NPAS3: variants seen among roughly 807,000 people sequenced by gnomAD.
NPAS3 encodes neuronal PAS domain-containing protein 3.
A neutral mutation model predicts 73.1 loss-of-function variants in NPAS3; 14 were observed. That is an observed-to-expected ratio of 0.19 (90% CI 0.13 to 0.30). The LOEUF (loss-of-function observed/expected upper bound fraction) is 0.30, where lower values mean the gene tolerates loss of function less well. Among genes scored for constraint, NPAS3 ranks in the 10% least tolerant of loss-of-function variants. NPAS3 has a pLI of 1.00. For missense variants in NPAS3, 1,096 were observed against 1,250.0 expected (o/e 0.88, Z 1.86); for synonymous variants, 620 against 541.5 (o/e 1.14, Z -2.01).
At chr14:33,787,698 A>C (rs1372517148) in intron 9 of NPAS3, among the ~76,000 whole-genome samples, 1 of 152,026 alleles carries the variant, frequency 6.6e-6, no homozygotes, top group African/African-American at 2.4e-5. Flanking sequence ...TCTGCACAGC[A>C]TCAAAGCCTC....
intron 1 of NPAS3, among the ~76,000 whole-genome samples, chr14:33,003,232 T>C (rs1419985894): frequency 6.6e-6 from 1 of 151,998 alleles, no homozygotes; most frequent in Admixed American, 6.6e-5. Flanking sequence ...TCAATTATGC[T>C]AAAAACTAAT....
At chr14:33,111,284 G>T (rs1387906496) in intron 2 of NPAS3, among the ~76,000 whole-genome samples, 1 of 152,218 alleles carries the variant, frequency 6.6e-6, no homozygotes, top group Non-Finnish European at 1.5e-5. Context: ...ACTGGGCCCA[G>T]AGGCAGTTGG....
chr14:33,523,366 A>G lies in NPAS3; in HGVS notation c.469-36755A>G, dbSNP rs184596128. On this transcript the variant is annotated intron_variant, in intron 4 of 11. Transcript: ENST00000356141. The stretch of plus-strand genomic sequence containing the variant: ...GAAAGGAGAAACCTTGGATACTATA[A>G]AAAGACACTGGCCCAGGCAAGGTTG... Among the ~76,000 whole-genome samples, 35 of 151,838 alleles carry G rather than the reference A, an allele frequency of 2.3e-4. No individual in the cohort carries two copies. In the East Asian group the frequency reaches 6.8e-3, roughly 30 times the overall value.
chr14:33,282,364 G>A (rs2140068363), intron 3 of NPAS3, among the ~76,000 whole-genome samples: 1 of 152,332 alleles, frequency 6.6e-6, no homozygotes, highest in Admixed American at 6.5e-5. Context: ...GCATTATAGA[G>A]ACATTGAGCT....
chr14:33,102,631 C>T (rs1042514493), intron 2 of NPAS3, among the ~76,000 whole-genome samples: 1 of 152,092 alleles, frequency 6.6e-6, no homozygotes, highest in East Asian at 1.9e-4. Flanking sequence ...CATGAGACCC[C>T]TGAGTAGCGA....
intron 1 of NPAS3, among the ~76,000 whole-genome samples, chr14:32,994,794 G>C (rs1182798116): frequency 6.6e-6 from 1 of 152,036 alleles, no homozygotes; most frequent in Non-Finnish European, 1.5e-5. Flanking sequence ...ACCATACTCA[G>C]CTAATTTTTG....
downstream of NPAS3, chr14:33,801,132 G>C: frequency 6.4e-7 from 1 of 1,553,214 alleles, no homozygotes; most frequent in South Asian, 1.2e-5. Flanking sequence ...CCTGGGCCCG[G>C]CCAGGCCCCG....
At chr14:33,784,017 G>A (rs1412670986) in intron 9 of NPAS3, among the ~76,000 whole-genome samples, 1 of 152,098 alleles carries the variant, frequency 6.6e-6, no homozygotes, top group Non-Finnish European at 1.5e-5. Context: ...CAGGGTACTC[G>A]ATCAGTATTC....
intron 1 of NPAS3, among the ~76,000 whole-genome samples, chr14:33,051,455 T>G (rs546048631): frequency 6.6e-6 from 1 of 152,252 alleles, no homozygotes; most frequent in African/African-American, 2.4e-5. Context: ...AAACTACCTT[T>G]CTATTTTGAA....
intron 3 of NPAS3, among the ~76,000 whole-genome samples, chr14:33,351,127 C>T (rs959578912): frequency 2.6e-5 from 4 of 152,150 alleles, no homozygotes; most frequent in African/African-American, 9.7e-5. Context: ...TTAAAAAACT[C>T]AAAATCAGTT....
intron 1 of NPAS3, among the ~76,000 whole-genome samples, chr14:33,037,686 C>A (rs2040216563): frequency 6.6e-6 from 1 of 151,870 alleles, no homozygotes. Flanking sequence ...AAAAAAGATT[C>A]TCAAATAAAT....
At chr14:33,653,339 A>G (rs1315075797) in intron 5 of NPAS3, among the ~76,000 whole-genome samples, 1 of 152,198 alleles carries the variant, frequency 6.6e-6, no homozygotes, top group Non-Finnish European at 1.5e-5. Context: ...CATTGCCTTT[A>G]AAGTTCTGCA....
chr14:33,724,263 C>T (rs2061200752), intron 6 of NPAS3, among the ~76,000 whole-genome samples: 1 of 152,104 alleles, frequency 6.6e-6, no homozygotes, highest in Non-Finnish European at 1.5e-5. Flanking sequence ...AAATAGAGAA[C>T]ATAAATATGT....
chr14:33,043,683 G>T (rs138008966), intron 1 of NPAS3, among the ~76,000 whole-genome samples: 3 of 152,118 alleles, frequency 2.0e-5, no homozygotes, highest in African/African-American at 7.2e-5. Flanking sequence ...TCTTACTGCA[G>T]TTTGAGGTGG....
intron 1 of NPAS3, among the ~76,000 whole-genome samples, chr14:33,047,886 C>T (rs1314125659): frequency 6.6e-6 from 1 of 152,134 alleles, no homozygotes; most frequent in Non-Finnish European, 1.5e-5. Context: ...CATTGTAACT[C>T]TGAAAGCTAT....
chr14:33,499,612 C>G (rs965444018), intron 4 of NPAS3, among the ~76,000 whole-genome samples: 1 of 151,956 alleles, frequency 6.6e-6, no homozygotes, highest in Non-Finnish European at 1.5e-5. Context: ...CCACATGAAG[C>G]TACATCAGCA....
chr14:33,352,870 T>G (rs2045137311), intron 3 of NPAS3, among the ~76,000 whole-genome samples: 1 of 152,140 alleles, frequency 6.6e-6, no homozygotes, highest in Non-Finnish European at 1.5e-5. Flanking sequence ...AAATAGTGAC[T>G]TAACAGCAAT....
chr14:33,283,035 A>G (rs1397071974), intron 3 of NPAS3, among the ~76,000 whole-genome samples: 1 of 152,190 alleles, frequency 6.6e-6, no homozygotes. Context: ...AGCTGTCCAC[A>G]TGTGACTCTG....
At chr14:33,521,637 G>A (rs978542820) in intron 4 of NPAS3, among the ~76,000 whole-genome samples, 2 of 151,684 alleles carry the variant, frequency 1.3e-5, no homozygotes, top group Non-Finnish European at 2.9e-5. Context: ...GAAATCCCTT[G>A]TAAAAGTAAA....
Sources: gnomAD v4.1 joint callset for allele counts (sites outside exome capture counted in the v4.1 genomes callset) on GRCh38, gnomAD v4.1.1 for gene constraint, MANE v1.5 for transcripts, NCBI Gene and HGNC (gene_info 2026-07-23, HGNC 2026-07-21) for gene names.